DMD: variants seen among roughly 807,000 people sequenced by gnomAD.
DMD encodes dystrophin, also known as mutant dystrophin.
A neutral mutation model predicts 330.1 loss-of-function variants in DMD; 63 were observed. The observed-to-expected ratio is 0.19, with a 90% CI of 0.16 to 0.24. DMD has a LOEUF of 0.24. Among genes scored for constraint, DMD ranks in the 10% least tolerant of loss-of-function variants. DMD has a pLI of 1.00. For synonymous variants in DMD, 1,223 were observed against 959.8 expected (o/e 1.27, Z -5.07); for missense variants, 3,344 against 2,684.1 (o/e 1.25, Z -5.43).
chrX:33,008,071 T>A (rs1839470715), intron 2 of DMD, among the ~76,000 whole-genome samples: 1 of 111,514 alleles, frequency 9.0e-6, no homozygotes, highest in Non-Finnish European at 1.9e-5. Flanking sequence ...GGTCTCTTAG[T>A]TTGCACTCAT....
intron 2 of DMD, among the ~76,000 whole-genome samples, chrX:33,002,850 GAAAAAAAAAAAA>G (rs145168802): frequency 0.047 from 1,807 of 38,758 alleles, 30 homozygotes; most frequent in Middle Eastern, 0.095. Flanking sequence ...TTTTTTTCTC[GAAAAAAAAAAAA>G]AAAAAAAAAA....
At chrX:32,617,136 C>T (rs759145294) in intron 11 of DMD, among the ~76,000 whole-genome samples, 1 of 110,381 alleles carries the variant, frequency 9.1e-6, no homozygotes, top group South Asian at 3.9e-4. Context: ...CAATACAATG[C>T]GGGGCAAGTA....
At chrX:32,948,768 C>T (rs955948000) in intron 2 of DMD, among the ~76,000 whole-genome samples, 1 of 111,533 alleles carries the variant, frequency 9.0e-6, no homozygotes, top group African/African-American at 3.3e-5. Context: ...TTATCTCTTA[C>T]TTTGCTATTT....
At chrX:31,386,982 G>A (rs961096965) in intron 60 of DMD, among the ~76,000 whole-genome samples, 1 of 111,560 alleles carries the variant, frequency 9.0e-6, no homozygotes, top group African/African-American at 3.3e-5. Flanking sequence ...CGTAATGTTT[G>A]GGCCAACAGG....
intron 55 of DMD, among the ~76,000 whole-genome samples, chrX:31,585,928 T>C (rs1209740716): frequency 9.0e-6 from 1 of 110,765 alleles, no homozygotes; most frequent in Non-Finnish European, 1.9e-5. Context: ...TTTTGGTTTG[T>C]TTGTTTTTGT....
At chrX:32,783,079 A>G (rs1027131328) in intron 7 of DMD, among the ~76,000 whole-genome samples, 2 of 102,771 alleles carry the variant, frequency 1.9e-5, no homozygotes, top group African/African-American at 7.0e-5. Context: ...ATATATACAC[A>G]CACATATACA....
intron 1 of DMD, among the ~76,000 whole-genome samples, chrX:33,316,370 A>G (rs939807985): frequency 2.7e-5 from 3 of 111,602 alleles, no homozygotes; most frequent in African/African-American, 9.8e-5. Context: ...GAAAGGCAGG[A>G]ATAAATCATA....
Position 33,196,349 on chromosome X carries a change from A to T in DMD, c.31+14933T>A, listed in dbSNP as rs113089596. ...ATGAGCAGATGCCATACTGTGAAAG[A>T]CCTTGTACGTTAGGACCTTGGATTT... On this transcript the variant is annotated intron_variant, in intron 1 of 78. Coordinates refer to ENST00000357033, the MANE Select transcript of DMD (RefSeq NM_004006.3). Among the ~76,000 whole-genome samples, 541 of 111,436 alleles carry T rather than the reference A, an allele frequency of 4.9e-3. 2 individuals carry two copies. The highest frequency in any genetic ancestry group is 0.017 in the African/African-American group (511 of 30,689).
chrX:32,763,059 T>A (rs548684470), intron 7 of DMD, among the ~76,000 whole-genome samples: 2 of 111,025 alleles, frequency 1.8e-5, no homozygotes, highest in East Asian at 5.7e-4. Flanking sequence ...ATGGGGTCAT[T>A]TATATGATAT....
intron 45 of DMD, among the ~76,000 whole-genome samples, chrX:31,940,658 T>C (rs143579728): frequency 3.9e-5 from 4 of 103,265 alleles, no homozygotes; most frequent in Non-Finnish European, 7.8e-5. Context: ...AAGTTTCTAT[T>C]ATGTTAAGCC....
chrX:32,999,992 C>A (rs2093237574), intron 2 of DMD, among the ~76,000 whole-genome samples: 1 of 112,166 alleles, frequency 8.9e-6, no homozygotes, highest in Non-Finnish European at 1.9e-5. Context: ...AGTTACCTTT[C>A]ATTCCTTTTT....
intron 60 of DMD, among the ~76,000 whole-genome samples, chrX:31,432,046 C>A (rs2064131217): frequency 9.0e-6 from 1 of 111,405 alleles, no homozygotes; most frequent in Non-Finnish European, 1.9e-5. Context: ...AACGCCTGAC[C>A]TCATGATCTG....
At chrX:33,151,771 AG>A (rs1192184766) in intron 1 of DMD, among the ~76,000 whole-genome samples, 1 of 111,762 alleles carries the variant, frequency 8.9e-6, no homozygotes, top group Non-Finnish European at 1.9e-5. Flanking sequence ...TTATTTCTGA[AG>A]AAAAAAAAGA....
chrX:33,097,549 T>C (rs2207086), intron 1 of DMD, among the ~76,000 whole-genome samples: 40,547 of 106,950 alleles, frequency 0.38, 6,211 homozygotes, highest in East Asian at 0.84. Context: ...ATTTTTACAG[T>C]GTCACCTTTA....
chrX:32,396,531 C>A (rs2098045310), intron 30 of DMD, among the ~76,000 whole-genome samples: 2 of 110,711 alleles, frequency 1.8e-5, no homozygotes, highest in Admixed American at 1.9e-4. Context: ...GTGTCTATAC[C>A]ACAGAACTTC....
chrX:31,324,600 GAAT>G, intron 61 of DMD, among the ~76,000 whole-genome samples: 1 of 110,964 alleles, frequency 9.0e-6, no homozygotes, highest in Non-Finnish European at 1.9e-5. Context: ...AAGAAACACA[GAAT>G]ATTATCAGAA....
At chrX:32,731,486 T>A (rs1215749561) in intron 7 of DMD, among the ~76,000 whole-genome samples, 1 of 112,544 alleles carries the variant, frequency 8.9e-6, no homozygotes, top group East Asian at 2.8e-4. Context: ...AAGACAGCAG[T>A]AACCTCTGCA....
chrX:31,827,912 A>G (rs1046057424), intron 49 of DMD, among the ~76,000 whole-genome samples: 6 of 111,974 alleles, frequency 5.4e-5, no homozygotes, highest in Admixed American at 4.7e-4. Flanking sequence ...GATACAGCAA[A>G]AACAGTGCTA....
At chrX:32,629,858 TTTATATCTTA>T (rs1384786031) in intron 11 of DMD, among the ~76,000 whole-genome samples, 1 of 111,198 alleles carries the variant, frequency 9.0e-6, no homozygotes, top group Non-Finnish European at 1.9e-5. Context: ...GTTGTTTCTA[TTTATATCTTA>T]TTATAGTGTC....
Sources: gnomAD v4.1 joint callset for allele counts (sites outside exome capture counted in the v4.1 genomes callset) on GRCh38, gnomAD v4.1.1 for gene constraint, MANE v1.5 for transcripts, NCBI Gene and HGNC (gene_info 2026-07-23, HGNC 2026-07-21) for gene names.